The following APOB variants were observed in gnomAD, a reference collection of about 807,000 sequenced individuals.
The protein encoded by APOB is apolipoprotein B-100.
In APOB, 153 loss-of-function variants were observed where a neutral mutation model predicts 314.1. The ratio of observed to expected loss-of-function variants is 0.49; its 90% CI spans 0.43 to 0.56. APOB has a LOEUF of 0.56. Ranked by LOEUF, APOB falls within the 20% of genes least tolerant of loss-of-function variation. APOB has a pLI of 0.00. For missense variants in APOB, 5,430 were observed against 5,350.7 expected (o/e 1.01, Z -0.46); for synonymous variants, 2,087 against 2,036.4 (o/e 1.02, Z -0.67).
Position 21,010,879 on chromosome 2 carries a change from C to A in APOB, c.5989G>T (p.Asp1997Tyr). ...FNNNEYSQDL[D>Y]AYNTKDKIGV... ...ATTTTATCTTTAGTGTTGTAAGCAT[C>A]CAAGTCCTGGCTGTATTCATTGTTG... The change falls in exon 26 of 29, where the codon GAT becomes TAT. Residue 1997 changes from aspartate (D) to tyrosine (Y), a missense_variant. Asp to Tyr is a radical substitution (Grantham distance 160). Transcript: ENST00000233242. 2 of 1,614,092 alleles carry A rather than the reference C, an allele frequency of 1.2e-6. No individual in the cohort carries two copies. Among genetic ancestry groups the A allele is most frequent in the Non-Finnish European group, 1.7e-6 (2 of 1,180,012 alleles).
chr2:21,007,401 GT>G lies in APOB; in HGVS notation c.9466del (p.Thr3156GlnfsTer3). The G allele has an allele frequency of 1.2e-6, 2 of 1,613,928 alleles. No homozygotes were observed. The highest frequency in any genetic ancestry group is 8.5e-7 in the Non-Finnish European group (1 of 1,179,920). ...CGTTTTCAAGAATTCCTTCAAGCCTGTTTTTTCCCATAGAGAGAAATCTTTC... is the reference window on the plus strand; with the variant it reads ...CGTTTTCAAGAATTCCTTCAAGCCTGTTTTTCCCATAGAGAGAAATCTTTC... ...PLKDFSLWEK[T>X]GLKEFLKTTK... is the part of the protein sequence containing the mutation. On this transcript the variant is annotated frameshift_variant, in exon 26 of 29. Transcript: ENST00000233242. LOFTEE classifies it high-confidence loss of function.
In APOB at chr2:21,001,957, A is replaced by G; in HGVS notation, c.13465T>C (p.Ser4489Pro). Reference sequence around the variant, plus strand: ...TATCTAAACTGCTGGTGGTAATCAGAAATTATTTTCTTCGTCGCAATGGCC... The same window carrying G: ...TATCTAAACTGCTGGTGGTAATCAGGAATTATTTTCTTCGTCGCAATGGCC... ...SQAIATKKIISDYHQQFRYKL... is the reference protein window; with the variant it reads ...SQAIATKKIIPDYHQQFRYKL... The change falls in exon 29 of 29, where the codon TCT (serine) becomes CCT (proline). Residue 4489 changes from serine (S) to proline (P), a missense_variant. By Grantham distance (74) the Ser-to-Pro change is moderately conservative. Around this residue, in one of 3 missense-constraint regions of APOB, gnomAD observed 3,281 missense variants for 3,171.0 expected, o/e 1.03. Coordinates refer to ENST00000233242, the MANE Select transcript of APOB (RefSeq NM_000384.3). 6.2e-7 allele frequency: 1 copy of G among 1,614,062 alleles called. No individual in the cohort carries two copies.
At position 21,012,067 on chromosome 2, in the gene APOB, C is replaced by G; in HGVS notation, c.4801G>C (p.Glu1601Gln). Residue 1601 changes from glutamate to glutamine, a missense_variant, in exon 26 of 29, where the codon GAA becomes CAA. Physicochemically the swap from Glu to Gln is conservative, Grantham distance 29 (BLOSUM62 2). Coordinates refer to ENST00000233242, the MANE Select transcript of APOB (RefSeq NM_000384.3). ...AATGACTCGTAATCAGCCTGATATT[C>G]AGAACGCAGCAGTGCATTTTGCTTA... The part of the protein sequence containing the change: ...FSKQNALLRS[E>Q]YQADYESLRF... The G allele has an allele frequency of 6.2e-7, 1 of 1,614,176 alleles. No individual in the cohort carries two copies. The highest frequency in any genetic ancestry group is 1.7e-4 in the Middle Eastern group (1 of 6,058).
In APOB at chr2:21,008,559, G is replaced by A. The variant is rs138391809; in HGVS notation, c.8309C>T (p.Thr2770Ile). The A allele has an allele frequency of 7.1e-5, 114 of 1,614,094 alleles. No homozygotes were observed. The African/African-American group carries it at 1.0e-3, about 14-fold the overall frequency. Residue 2770 changes from threonine (T) to isoleucine (I), a missense_variant, in exon 26 of 29, where the codon ACA becomes ATA. Transcript: ENST00000233242. ...CCCTATGTCAGCATTTGCATCTAAT[G>A]TGAAAAGAGGAGATTGGATTTTCAG... ...SILKIQSPLFTLDANADIGNG... is the reference protein window; with the variant it reads ...SILKIQSPLFILDANADIGNG...
intron 16 of APOB, 122 bp downstream of exon 16, chr2:21,024,811 C>T: frequency 2.9e-6 from 3 of 1,031,262 alleles, no homozygotes; most frequent in Non-Finnish European, 4.6e-6. Context: ...AAACCTCCAT[C>T]TCTGAAGAAA....
In APOB at chr2:21,001,776, T is replaced by G; in HGVS notation, c.13646A>C (p.Asn4549Thr). 2 of 1,613,990 alleles carry G rather than the reference T, an allele frequency of 1.2e-6. No individual in the cohort carries two copies. Among genetic ancestry groups the G allele is most frequent in the Non-Finnish European group, 8.5e-7 (1 of 1,179,918 alleles). ...LKKLQSTTVMNPYMKLAPGEL... is the reference protein window; with the variant it reads ...LKKLQSTTVMTPYMKLAPGEL... Reference sequence around the variant, plus strand: ...TCCTGGAGCAAGCTTCATGTAGGGGTTCATGACTGTGGTTGATTGCAGCTT... The same window carrying G: ...TCCTGGAGCAAGCTTCATGTAGGGGGTCATGACTGTGGTTGATTGCAGCTT... The change falls in exon 29 of 29, where the codon AAC (asparagine) becomes ACC (threonine). Residue 4549 changes from asparagine to threonine, a missense_variant. Physicochemically the swap from Asn to Thr is moderately conservative, Grantham distance 65. This residue lies in a region of APOB where 3,281 missense variants were observed against 3,171.0 expected (regional missense o/e 1.03). Transcript: ENST00000233242.
At chr2:21,043,463 G>C in intron 2 of APOB, 50 bp downstream of exon 2, 2 of 1,570,850 alleles carry the variant, frequency 1.3e-6, no homozygotes, top group Non-Finnish European at 1.7e-6. Flanking sequence ...GGGTGTAGGA[G>C]AGTGCACGGG....
In APOB at chr2:21,009,407, G is replaced by T; in HGVS notation, c.7461C>A (p.Thr2487=). The change falls in exon 26 of 29, where the codon ACC becomes ACA. Residue 2487 remains threonine, a synonymous_variant. Transcript: ENST00000233242. Reference sequence around the variant, plus strand: ...ACCAATTGATGATTAAGGTTATTTTGGTGTCCTGTAGGCTTTCCAGATACA... The same window carrying T: ...ACCAATTGATGATTAAGGTTATTTTTGTGTCCTGTAGGCTTTCCAGATACA... ...VAVYLESLQD[T]KITLIINWLQ... 1.2e-6 allele frequency: 2 copies of T among 1,614,002 alleles called. No homozygotes were observed. Among genetic ancestry groups the T allele is most frequent in the Non-Finnish European group, 1.7e-6 (2 of 1,179,962 alleles).
chr2:21,015,137 A>G lies in APOB; in HGVS notation c.3632T>C (p.Leu1211Pro), dbSNP rs1327452095. 1.2e-6 allele frequency: 2 copies of G among 1,614,110 alleles called. No individual in the cohort carries two copies. The highest frequency in any genetic ancestry group is 2.7e-5 in the African/African-American group (2 of 74,952). ...PKSLHMYANR[L>P]LDHRVPQTDM... ...TGTTTGAGGGACTCTGTGATCCAGG[A>G]GTCTATTAGCATACATATGCAAGCT... The change falls in exon 23 of 29, where the codon CTC becomes CCC. Residue 1211 changes from leucine (L) to proline (P), a missense_variant. Physicochemically the swap from Leu to Pro is moderately conservative, Grantham distance 98. Coordinates refer to ENST00000233242, the MANE Select transcript of APOB (RefSeq NM_000384.3).
At chr2:21,037,902 C>G in intron 5 of APOB, 56 bp downstream of exon 5, 7 of 1,602,776 alleles carry the variant, frequency 4.4e-6, no homozygotes, top group Non-Finnish European at 6.0e-6. Context: ...GGACTGGTCT[C>G]TAACACATGA....
Position 21,009,309 on chromosome 2 carries a change from C to G in APOB, c.7559G>C (p.Arg2520Pro). 6.2e-7 allele frequency: 1 copy of G among 1,614,088 alleles called. No individual in the cohort carries two copies. The highest frequency in any genetic ancestry group is 8.5e-7 in the Non-Finnish European group (1 of 1,179,976). Residue 2520 changes from arginine to proline, a missense_variant, in exon 26 of 29, where the codon CGA becomes CCA. Arg to Pro is a moderately radical substitution (Grantham distance 103, BLOSUM62 -2). Transcript: ENST00000233242. ...AATGTCCATTTGATACATTCGGTCT[C>G]GTGTATCTTCTAGGGTCTCTCGGAA... ...AKFRETLEDTRDRMYQMDIQQ... is the reference protein window; with the variant it reads ...AKFRETLEDTPDRMYQMDIQQ...
rs752965923 is a variant in APOB, at chr2:21,002,861, C to T, written c.12561G>A (p.Lys4187=). 7 of 1,613,538 alleles carry T rather than the reference C, an allele frequency of 4.3e-6. No homozygotes were observed. The highest frequency in any genetic ancestry group is 5.9e-6 in the Non-Finnish European group (7 of 1,179,804). ...RVTQEFHMKV[K]HLIDSLIDFL... ...AATCAATGAGTGAGTCAATCAGATGCTTGACTTTCATATGGAATTCTTGAG... is the reference window on the plus strand; with the variant it reads ...AATCAATGAGTGAGTCAATCAGATGTTTGACTTTCATATGGAATTCTTGAG... Residue 4187 remains lysine (K), a synonymous_variant, in exon 29 of 29, where the codon AAG becomes AAA. Coordinates refer to ENST00000233242, the MANE Select transcript of APOB (RefSeq NM_000384.3).
In APOB at chr2:21,032,403, C is replaced by T. The variant is rs1255501488; in HGVS notation, c.1303G>A (p.Asp435Asn). ...QLREIFNMAR[D>N]QRSRATLYAL... ...TACAAGGTGGCTCGGCTGCGCTGAT[C>T]CCTCGCCATGTTGAAGATCTCTCGC... Residue 435 changes from aspartate (D) to asparagine (N), a missense_variant, in exon 10 of 29, where the codon GAT becomes AAT. Physicochemically the swap from Asp to Asn is conservative, Grantham distance 23 (BLOSUM62 1). This residue lies in a region of APOB where 2,085 missense variants were observed against 2,079.7 expected (regional missense o/e 1.00). Coordinates refer to ENST00000233242, the MANE Select transcript of APOB (RefSeq NM_000384.3). The T allele has an allele frequency of 3.7e-6, 6 of 1,614,020 alleles. No homozygotes were observed. In the South Asian group the frequency reaches 4.4e-5, roughly 12 times the overall value.
chr2:21,007,362 A>T lies in APOB; in HGVS notation c.9506T>A (p.Phe3169Tyr). The change falls in exon 26 of 29, where the codon TTT becomes TAT. Residue 3169 changes from phenylalanine to tyrosine, a missense_variant. Physicochemically the swap from Phe to Tyr is conservative, Grantham distance 22. Coordinates refer to ENST00000233242, the MANE Select transcript of APOB (RefSeq NM_000384.3). ...KEFLKTTKQS[F>Y]DLSVKAQYKK... Reference sequence around the variant, plus strand: ...ATACTGAGCTTTTACACTTAAATCAAATGATTGCTTTGTCGTTTTCAAGAA... The same window carrying T: ...ATACTGAGCTTTTACACTTAAATCATATGATTGCTTTGTCGTTTTCAAGAA... 2 of 1,614,064 alleles carry T rather than the reference A, an allele frequency of 1.2e-6. No homozygotes were observed. The highest frequency in any genetic ancestry group is 8.5e-7 in the Non-Finnish European group (1 of 1,179,964).
In APOB at chr2:21,004,294, T is replaced by C; in HGVS notation, c.12062A>G (p.Lys4021Arg). 1 of 1,613,974 alleles carries C rather than the reference T, an allele frequency of 6.2e-7. No homozygotes were observed. The highest frequency in any genetic ancestry group is 8.5e-7 in the Non-Finnish European group (1 of 1,179,900). ...CTGAGGGCTGTAGTAGAAGTTCCAT[T>C]TAGAAAAGTCGTCATCTTCATCCAT... is the stretch of plus-strand genomic sequence containing the variant. ...MDMDEDDDFS[K>R]WNFYYSPQSS... Residue 4021 changes from lysine to arginine, a missense_variant, in exon 28 of 29, where the codon AAA (lysine) becomes AGA (arginine). This residue lies in a region of APOB where 3,281 missense variants were observed against 3,171.0 expected (regional missense o/e 1.03). Transcript: ENST00000233242.
chr2:21,011,733 C>T lies in APOB; in HGVS notation c.5135G>A (p.Ser1712Asn). Residue 1712 changes from serine to asparagine, a missense_variant, in exon 26 of 29, where the codon AGT becomes AAT. Physicochemically the swap from Ser to Asn is conservative, Grantham distance 46. Coordinates refer to ENST00000233242, the MANE Select transcript of APOB (RefSeq NM_000384.3). ...KAALTELSLG[S>N]AYQAMILGVD... ...ACCCAGAATCATGGCCTGATAAGCA[C>T]TTCCCAGTGATAGCTCTGTGAGGGC... 6.2e-7 allele frequency: 1 copy of T among 1,614,182 alleles called. No homozygotes were observed. Among genetic ancestry groups the T allele is most frequent in the South Asian group, 1.1e-5 (1 of 91,074 alleles).
chr2:21,038,065 A>G lies in APOB; in HGVS notation c.430T>C (p.Tyr144His), dbSNP rs1417509355. The G allele has an allele frequency of 3.1e-6, 5 of 1,614,044 alleles. No individual in the cohort carries two copies. Among genetic ancestry groups the G allele is most frequent in the South Asian group, 2.2e-5 (2 of 91,078 alleles). The change falls in exon 5 of 29, where the codon TAC becomes CAC. Residue 144 changes from tyrosine to histidine, a missense_variant. Physicochemically the swap from Tyr to His is moderately conservative, Grantham distance 83 (BLOSUM62 2). This residue lies in a region of APOB where 2,085 missense variants were observed against 2,079.7 expected (regional missense o/e 1.00). Coordinates refer to ENST00000233242, the MANE Select transcript of APOB (RefSeq NM_000384.3). ...TAAGTAGGTTCATCTTTCTCCGGGTAAAGGAAAACCTGCTTCCCTTCTGGA... is the reference window on the plus strand; with the variant it reads ...TAAGTAGGTTCATCTTTCTCCGGGTGAAGGAAAACCTGCTTCCCTTCTGGA... The part of the protein sequence containing the change: ...AIPEGKQVFL[Y>H]PEKDEPTYIL...
At position 21,015,125 on chromosome 2, in the gene APOB, C is replaced by A; in HGVS notation, c.3644G>T (p.Arg1215Ile). 6.2e-7 allele frequency: 1 copy of A among 1,614,194 alleles called. No individual in the cohort carries two copies. Among genetic ancestry groups the A allele is most frequent in the Non-Finnish European group, 8.5e-7 (1 of 1,180,034 alleles). ...GAAAGTCATGTCTGTTTGAGGGACT[C>A]TGTGATCCAGGAGTCTATTAGCATA... ...HMYANRLLDH[R>I]VPQTDMTFRH... is the part of the protein sequence containing the mutation. The change falls in exon 23 of 29, where the codon AGA becomes ATA. Residue 1215 changes from arginine (R) to isoleucine (I), a missense_variant. Physicochemically the swap from Arg to Ile is moderately conservative, Grantham distance 97 (BLOSUM62 -3). Around this residue, in one of 3 missense-constraint regions of APOB, gnomAD observed 2,085 missense variants for 2,079.7 expected, o/e 1.00. Transcript: ENST00000233242.
At chr2:21,031,275 A>C (rs1663872951) in intron 10 of APOB, among the ~76,000 whole-genome samples, 1 of 152,264 alleles carries the variant, frequency 6.6e-6, no homozygotes. Flanking sequence ...CGGCCATAAA[A>C]AGAATAAAAT....
Sources: allele counts gnomAD v4.1 joint callset (sites outside exome capture counted in the v4.1 genomes callset), GRCh38; gene constraint gnomAD v4.1.1; regional missense constraint gnomAD v4.1.1; transcripts MANE v1.5; gene names NCBI Gene and HGNC (gene_info 2026-07-23, HGNC 2026-07-21).